The following EPB41L1 variants were observed in gnomAD, a reference collection of about 807,000 sequenced individuals.
The protein encoded by EPB41L1 is erythrocyte membrane protein band 4.1 like 1.
EPB41L1 carries 29 observed loss-of-function variants against 97.8 expected under a neutral mutation model. The ratio of observed to expected loss-of-function variants is 0.30; its 90% CI spans 0.22 to 0.40. The LOEUF (loss-of-function observed/expected upper bound fraction) is 0.40. EPB41L1 is among the 10% of genes least tolerant of loss of function. EPB41L1 has a pLI of 1.00. For synonymous variants in EPB41L1, 383 were observed against 459.2 expected (o/e 0.83, Z 2.12); for missense variants, 812 against 1,162.3 (o/e 0.70, Z 4.38).
chr20:36,113,993 A>G (rs554420646), intron 2 of EPB41L1, among the ~76,000 whole-genome samples: 31 of 152,322 alleles, frequency 2.0e-4, no homozygotes, highest in Non-Finnish European at 3.8e-4. Context: ...TGAAGGAGAC[A>G]GGAAATGTGA....
chr20:36,226,911 C>G (rs981984858), intron 21 of EPB41L1, among the ~76,000 whole-genome samples: 3 of 152,120 alleles, frequency 2.0e-5, no homozygotes, highest in East Asian at 1.9e-4. Context: ...AAAGTGCAGC[C>G]TGTTACTGTA....
At position 36,092,621 on chromosome 20, in the gene EPB41L1, G is replaced by A. The variant is rs1228524192; in HGVS notation, c.-65+1009G>A. On this transcript the variant is annotated intron_variant, in intron 1 of 19. Coordinates refer to the EPB41L1 transcript ENST00000202028. The surrounding 1 kb of genome is among the most constrained non-coding windows in gnomAD (Gnocchi z 7.0). ...CCGGGGGAGCCGGCCGGGGCGGGGC[G>A]GAGCGGCGAGAGGGGGTGTGGGGGG... The A allele has an allele frequency of 6.6e-6, 1 of 151,670 alleles. No individual in the cohort carries two copies. Among genetic ancestry groups the A allele is most frequent in the Admixed American group, 6.6e-5 (1 of 15,234 alleles). The allele number at this position is 151,670 out of a possible 1,614,324, so 9.4% of individuals were successfully genotyped here.
intron 14 of EPB41L1, among the ~76,000 whole-genome samples, chr20:36,198,409 G>A (rs2062323739): frequency 6.6e-6 from 1 of 152,248 alleles, no homozygotes. Context: ...ATCTGGACAA[G>A]TGCTGCAGAG....
chr20:36,120,376 GC>G (rs1731836480), intron 2 of EPB41L1, among the ~76,000 whole-genome samples: 1 of 152,188 alleles, frequency 6.6e-6, no homozygotes, highest in African/African-American at 2.4e-5. Context: ...GAGGAAAAGG[GC>G]AGTCAGTCCA....
intron 2 of EPB41L1, among the ~76,000 whole-genome samples, chr20:36,148,909 G>A (rs1253476850): frequency 6.6e-6 from 1 of 152,224 alleles, no homozygotes; most frequent in Non-Finnish European, 1.5e-5. Flanking sequence ...GGGTCCAGTA[G>A]GCAGAGAAGA....
chr20:36,183,031 T>A (rs184264775), intron 6 of EPB41L1, among the ~76,000 whole-genome samples: 16 of 152,288 alleles, frequency 1.1e-4, no homozygotes, highest in Admixed American at 9.8e-4. Context: ...GTAGATAACA[T>A]GGCCTGAAGA....
At chr20:36,149,480 TC>T (rs2059962330) in intron 2 of EPB41L1, among the ~76,000 whole-genome samples, 1 of 152,040 alleles carries the variant, frequency 6.6e-6, no homozygotes, top group Non-Finnish European at 1.5e-5. Context: ...TTGAGAGGCT[TC>T]TTAGAGAAGA....
chr20:36,125,075 T>C (rs1183199744), intron 2 of EPB41L1, among the ~76,000 whole-genome samples: 2 of 152,132 alleles, frequency 1.3e-5, no homozygotes, highest in Non-Finnish European at 2.9e-5. Flanking sequence ...TATAAAGCCC[T>C]ACTTCTAAGA....
At chr20:36,197,719 C>T in intron 13 of EPB41L1, 140 bp from the exon 14 acceptor site, 5 of 1,556,182 alleles carry the variant, frequency 3.2e-6, no homozygotes, top group South Asian at 1.2e-5. Flanking sequence ...CTGGGGCTGC[C>T]ATGAGAGTGA....
At chr20:36,109,813 G>C (rs377758634) in intron 1 of EPB41L1, 1 of 152,226 alleles carries the variant, frequency 6.6e-6, no homozygotes, top group African/African-American at 2.4e-5. Context: ...TGCCCCTGTC[G>C]TGGTGGTATT....
intron 2 of EPB41L1, among the ~76,000 whole-genome samples, chr20:36,118,659 A>AT (rs929351442): frequency 1.6e-4 from 25 of 152,208 alleles, no homozygotes; most frequent in Non-Finnish European, 2.9e-5. Context: ...TTATATCTCA[A>AT]TTTTTTTAAA....
intron 1 of EPB41L1, among the ~76,000 whole-genome samples, chr20:36,159,821 A>G (rs2060458684): frequency 6.6e-6 from 1 of 152,204 alleles, no homozygotes; most frequent in African/African-American, 2.4e-5. Flanking sequence ...ACAGGGTTTA[A>G]GTCTTCTTTC....
chr20:36,212,417 G>A lies in EPB41L1; in HGVS notation c.2184+41G>A. The A allele has an allele frequency of 2.6e-6, 4 of 1,558,056 alleles. No homozygotes were observed. Among genetic ancestry groups the A allele is most frequent in the Non-Finnish European group, 3.5e-6 (4 of 1,129,802 alleles). ...CAATGTACCCTAAGCATGGGTATTG[G>A]GCATTTGGTGGTAGGGTCCCCACTG... On this transcript the variant is annotated intron_variant, in intron 16 of 21. Coordinates refer to ENST00000338074, the MANE Select transcript of EPB41L1 (RefSeq NM_012156.2). This position sits in a 1 kb window ranked among gnomAD's most constrained non-coding sequence, Gnocchi z 4.8.
chr20:36,202,076 C>A (rs2062527403), intron 14 of EPB41L1, among the ~76,000 whole-genome samples: 2 of 152,194 alleles, frequency 1.3e-5, no homozygotes, highest in African/African-American at 4.8e-5. Context: ...TGAGGGAAAT[C>A]GGACAAGAGT....
At chr20:36,114,790 ACT>A (rs2058534477) in intron 2 of EPB41L1, among the ~76,000 whole-genome samples, 1 of 151,926 alleles carries the variant, frequency 6.6e-6, no homozygotes, top group African/African-American at 2.4e-5. Flanking sequence ...CAAGGGAAGG[ACT>A]CTGAGTGGTT....
chr20:36,092,142 C>A lies in EPB41L1; in HGVS notation c.-65+530C>A, dbSNP rs936204480. Among the ~76,000 whole-genome samples, 2 of 152,082 alleles carry A rather than the reference C, an allele frequency of 1.3e-5. No homozygotes were observed. Among genetic ancestry groups the A allele is most frequent in the African/African-American group, 4.8e-5 (2 of 41,424 alleles). On this transcript the variant is annotated intron_variant, in intron 1 of 19. Coordinates refer to the EPB41L1 transcript ENST00000202028. This position sits in a 1 kb window ranked among gnomAD's most constrained non-coding sequence, Gnocchi z 7.0. ...GCCCTGGCCGCGGGAACAATGGGAGCGCGGCGTGGAAAAGGGTGGGCGTGG... is the reference window on the plus strand; with the variant it reads ...GCCCTGGCCGCGGGAACAATGGGAGAGCGGCGTGGAAAAGGGTGGGCGTGG...
At chr20:36,120,861 G>A (rs910162194) in intron 2 of EPB41L1, among the ~76,000 whole-genome samples, 5 of 152,018 alleles carry the variant, frequency 3.3e-5, no homozygotes, top group Admixed American at 6.6e-5. Context: ...GATCCTAACC[G>A]CCAAGGTAAT....
intron 2 of EPB41L1, among the ~76,000 whole-genome samples, chr20:36,138,021 C>T (rs2059486127): frequency 6.6e-6 from 1 of 152,200 alleles, no homozygotes; most frequent in African/African-American, 2.4e-5. Flanking sequence ...CTCAAGTTCA[C>T]CCATGTTGTC....
intron 1 of EPB41L1, among the ~76,000 whole-genome samples, chr20:36,157,893 G>C (rs755837146): frequency 2.0e-5 from 3 of 152,228 alleles, no homozygotes; most frequent in Non-Finnish European, 4.4e-5. Context: ...GTGGATGGGT[G>C]GGGGTGGAGC....
Sources: allele counts gnomAD v4.1 joint callset (sites outside exome capture counted in the v4.1 genomes callset), GRCh38; gene constraint gnomAD v4.1.1; non-coding constraint Gnocchi (gnomAD v3.1); transcripts MANE v1.5; gene names NCBI Gene and HGNC (gene_info 2026-07-23, HGNC 2026-07-21).